The following PCDH15 variants were observed in gnomAD, a reference collection of about 807,000 sequenced individuals.
The protein encoded by PCDH15 is protocadherin-15.
A neutral mutation model predicts 178.5 loss-of-function variants in PCDH15; 129 were observed. The observed-to-expected ratio is 0.72, with a 90% CI of 0.63 to 0.84. The LOEUF is 0.84. Among genes scored for constraint, PCDH15 ranks in the 40% least tolerant of loss-of-function variants. The probability of loss-of-function intolerance (pLI) is 0.00; values close to 1 mark genes in which losing one functional copy is unlikely to be tolerated. For missense variants in PCDH15, 2,230 were observed against 2,099.9 expected, an observed-to-expected ratio of 1.06 and a Z score of -1.21; for synonymous variants, 800 against 732.0, an observed-to-expected ratio of 1.09 and a Z score of -1.50.
At chr10:55,270,694 A>G (rs951373504) in intron 1 of PCDH15, among the ~76,000 whole-genome samples, 26 of 152,290 alleles carry the variant, frequency 1.7e-4, no homozygotes, top group African/African-American at 5.5e-4. Flanking sequence ...ACTGTTGGTG[A>G]GAATGCAAGT....
intron 20 of PCDH15, 32 bp from the exon 21 acceptor site, chr10:53,995,797 A>T (rs780772171): frequency 2.6e-5 from 41 of 1,593,158 alleles, no homozygotes; most frequent in Non-Finnish European, 3.5e-5. Flanking sequence ...TTAGTACTTC[A>T]GTTGAAACCA....
intron 2 of PCDH15, among the ~76,000 whole-genome samples, chr10:55,022,561 T>C (rs1307250778): frequency 6.6e-6 from 1 of 151,978 alleles, no homozygotes; most frequent in Non-Finnish European, 1.5e-5. Flanking sequence ...GTCCAAAATA[T>C]ATGTTTACTT....
chr10:54,270,930 G>A (rs189966571), intron 8 of PCDH15, among the ~76,000 whole-genome samples: 1 of 152,220 alleles, frequency 6.6e-6, no homozygotes, highest in East Asian at 1.9e-4. Context: ...GGCAATGGCT[G>A]CACTGAGAAA....
intron 2 of PCDH15, among the ~76,000 whole-genome samples, chr10:55,126,562 G>T (rs994355062): frequency 3.3e-5 from 5 of 151,966 alleles, no homozygotes; most frequent in African/African-American, 9.7e-5. Flanking sequence ...ATAGAAGATA[G>T]GATTGCAGAC....
chr10:54,481,873 A>G (rs2078742902), intron 3 of PCDH15, among the ~76,000 whole-genome samples: 1 of 151,842 alleles, frequency 6.6e-6, no homozygotes, highest in Non-Finnish European at 1.5e-5. Flanking sequence ...CAGAGTACAT[A>G]AGATTTCAAT....
chr10:54,661,828 G>C (rs1487586728), intron 2 of PCDH15, among the ~76,000 whole-genome samples: 1 of 151,902 alleles, frequency 6.6e-6, no homozygotes, highest in African/African-American at 2.4e-5. Flanking sequence ...TTCAATAAAT[G>C]GTGCTAGGAA....
chr10:55,442,845 C>A (rs1218354352), intron 2 of PCDH15, among the ~76,000 whole-genome samples: 1 of 151,740 alleles, frequency 6.6e-6, no homozygotes, highest in Non-Finnish European at 1.5e-5. Context: ...TTGGTGCCCA[C>A]CAAAAGCAAG....
At chr10:55,089,627 T>C (rs1842263947) in intron 2 of PCDH15, among the ~76,000 whole-genome samples, 1 of 152,118 alleles carries the variant, frequency 6.6e-6, no homozygotes, top group African/African-American at 2.4e-5. Flanking sequence ...CATTACAAAT[T>C]GAAAGCAACT....
At chr10:54,793,608 A>G (rs1951645216) in intron 1 of PCDH15, among the ~76,000 whole-genome samples, 1 of 150,850 alleles carries the variant, frequency 6.6e-6, no homozygotes, top group African/African-American at 2.4e-5. Flanking sequence ...ATCACAATCT[A>G]TTTTTGCATA....
chr10:55,122,399 G>A (rs572599865), intron 2 of PCDH15, among the ~76,000 whole-genome samples: 1 of 152,162 alleles, frequency 6.6e-6, no homozygotes, highest in Admixed American at 6.6e-5. Context: ...GAGAAGTGTG[G>A]GCAAGATGGG....
At chr10:54,784,716 T>C (rs967104698) in intron 1 of PCDH15, among the ~76,000 whole-genome samples, 2 of 149,600 alleles carry the variant, frequency 1.3e-5, no homozygotes, top group African/African-American at 5.1e-5. Flanking sequence ...TGTGGTGCTA[T>C]GATCAGAAGG....
chr10:54,910,432 C>T (rs1954798308), intron 2 of PCDH15, among the ~76,000 whole-genome samples: 1 of 152,090 alleles, frequency 6.6e-6, no homozygotes. Context: ...TAATGGACTG[C>T]TTTGTTTAAA....
At chr10:54,117,976 C>T (rs911062883) in intron 15 of PCDH15, among the ~76,000 whole-genome samples, 1 of 152,180 alleles carries the variant, frequency 6.6e-6, no homozygotes, top group Non-Finnish European at 1.5e-5. Context: ...GCCGAACTGA[C>T]AGCTGGGCCC....
In PCDH15 at chr10:55,122,541, G is replaced by A. The variant is rs143738268; in HGVS notation, c.-80+44035C>T. ...AAGGGCACAATATAAGATTAGGCAT[G>A]TAAGATAGAAATGAGAAAAAAATGG... On this transcript the variant is annotated intron_variant, in intron 2 of 5. Transcript: ENST00000458638. Among the ~76,000 whole-genome samples the A allele has an allele frequency of 8.1e-3, 1,240 of 152,168 alleles. 15 individuals are homozygous for A. Among genetic ancestry groups the A allele is most frequent in the African/African-American group, 0.027 (1,119 of 41,530 alleles).
chr10:54,338,547 T>TA (rs5785068), intron 6 of PCDH15, among the ~76,000 whole-genome samples: 10,690 of 152,194 alleles, frequency 0.07, 488 homozygotes, highest in African/African-American at 0.12. Flanking sequence ...AATTATGGCT[T>TA]ACATTTTCTG....
In PCDH15 at chr10:55,000,727, A is replaced by G. The variant is rs117460198; in HGVS notation, c.-79-103227T>C. Among the ~76,000 whole-genome samples the G allele has an allele frequency of 7.7e-3, 1,175 of 152,320 alleles. 7 individuals carry two copies. The highest frequency in any genetic ancestry group is 0.012 in the Non-Finnish European group (807 of 68,030). ...AAAGTATTAATTTGGGGAATCTGATAAATGTCCATGAAATCTTCACAATTT... is the reference window on the plus strand; with the variant it reads ...AAAGTATTAATTTGGGGAATCTGATGAATGTCCATGAAATCTTCACAATTT... On this transcript the variant is annotated intron_variant, in intron 2 of 5. Transcript: ENST00000458638.
intron 2 of PCDH15, among the ~76,000 whole-genome samples, chr10:55,474,084 C>T (rs554349845): frequency 4.0e-4 from 61 of 152,070 alleles, no homozygotes; most frequent in African/African-American, 1.4e-3. Flanking sequence ...ATTCATGTTG[C>T]GTTGAAGGTT....
At chr10:55,195,646 C>A in intron 1 of PCDH15, among the ~76,000 whole-genome samples, 1 of 118,274 alleles carries the variant, frequency 8.5e-6, no homozygotes, top group South Asian at 3.1e-4. Context: ...CAGAGGGAAA[C>A]TCCATCTAAA....
At chr10:53,906,214 T>C (rs981507817) in intron 25 of PCDH15, among the ~76,000 whole-genome samples, 1 of 152,038 alleles carries the variant, frequency 6.6e-6, no homozygotes, top group African/African-American at 2.4e-5. Flanking sequence ...ATAAAAAAAA[T>C]TGTTAACTTT....
Sources: allele counts gnomAD v4.1 joint callset (sites outside exome capture counted in the v4.1 genomes callset), GRCh38; gene constraint gnomAD v4.1.1; transcripts MANE v1.5; gene names NCBI Gene and HGNC (gene_info 2026-07-23, HGNC 2026-07-21).